Variants in URB2 observed in about 807,000 individuals in gnomAD.
The protein encoded by URB2 is URB2 ribosome biogenesis homolog, also known as unhealthy ribosome biogenesis protein 2 homolog.
URB2 carries 86 observed loss-of-function variants against 120.9 expected under a neutral mutation model. The observed-to-expected ratio is 0.71, with a 90% CI of 0.60 to 0.85. The LOEUF (loss-of-function observed/expected upper bound fraction) is 0.85. Ranked by LOEUF, URB2 falls within the 40% of genes least tolerant of loss-of-function variation. The pLI, the probability that URB2 is intolerant of heterozygous loss-of-function variation, is 0.00. For synonymous variants in URB2, 755 were observed against 758.4 expected (o/e 1.00, Z 0.07); for missense variants, 1,765 against 1,836.5 (o/e 0.96, Z 0.71).
chr1:229,630,023 T>G (rs1198218557), intron 2 of URB2, among the ~76,000 whole-genome samples: 1 of 152,244 alleles, frequency 6.6e-6, no homozygotes, highest in Non-Finnish European at 1.5e-5. Context: ...TCTAGTTCCC[T>G]GGCTATTTCC....
At position 229,643,547 on chromosome 1, in the gene URB2, G is replaced by A; in HGVS notation, c.3649G>A (p.Val1217Ile). 6.2e-7 allele frequency: 1 copy of A among 1,614,124 alleles called. No individual in the cohort carries two copies. The highest frequency in any genetic ancestry group is 8.5e-7 in the Non-Finnish European group (1 of 1,180,022). The change falls in exon 5 of 10, where the codon GTT becomes ATT. Residue 1217 changes from valine (V) to isoleucine (I), a missense_variant. Physicochemically the swap from Val to Ile is conservative, Grantham distance 29. Transcript: ENST00000258243. ...TTCCCACACAGATCCTGAAATTCCT[G>A]TTCAGGTCACTCAGGATATTGAGCC... ...RRVLADPEIPVQVTQDIEPHL... is the reference protein window; with the variant it reads ...RRVLADPEIPIQVTQDIEPHL...
chr1:229,647,792 G>T, intron 7 of URB2, 40 bp downstream of exon 7: 2 of 1,599,538 alleles, frequency 1.3e-6, no homozygotes. Context: ...CTTTTCCTCT[G>T]CGAGCAGGGT....
chr1:229,636,771 A>G lies in URB2; in HGVS notation c.2158A>G (p.Thr720Ala), dbSNP rs778029637. 3 of 1,612,168 alleles carry G rather than the reference A, an allele frequency of 1.9e-6. No homozygotes were observed. Among genetic ancestry groups the G allele is most frequent in the East Asian group, 2.2e-5 (1 of 44,848 alleles). The change falls in exon 4 of 10, where the codon ACG becomes GCG. Residue 720 changes from threonine (T) to alanine (A), a missense_variant. Coordinates refer to ENST00000258243, the MANE Select transcript of URB2 (RefSeq NM_014777.4). ...SGRKSLNQRTTASWDGQVGMV... is the reference protein window; with the variant it reads ...SGRKSLNQRTAASWDGQVGMV... ...CAGAAAAAGCTTGAATCAGAGAACG[A>G]CGGCTTCCTGGGATGGCCAAGTTGG...
intron 9 of URB2, 45 bp downstream of exon 9, chr1:229,654,433 T>A: frequency 6.2e-7 from 1 of 1,608,460 alleles, no homozygotes; most frequent in African/African-American, 1.3e-5. Flanking sequence ...GTGTTTATGG[T>A]CCTTAAGCAG....
At chr1:229,642,382 T>G (rs1666031752) in intron 4 of URB2, among the ~76,000 whole-genome samples, 1 of 152,086 alleles carries the variant, frequency 6.6e-6, no homozygotes. Flanking sequence ...GGGTCCAGGG[T>G]TTTACAGCTT....
At position 229,634,924 on chromosome 1, in the gene URB2, A is replaced by G. The variant is rs539877753; in HGVS notation, c.311A>G (p.Asn104Ser). The change falls in exon 4 of 10, where the codon AAT becomes AGT. Residue 104 changes from asparagine (N) to serine (S), a missense_variant. Coordinates refer to ENST00000258243, the MANE Select transcript of URB2 (RefSeq NM_014777.4). The stretch of plus-strand genomic sequence containing the variant: ...TTCTTTCTTAATGTTCAGATCATCA[A>G]TGAGAGAGTAGCTGAGTTCTCTCTT... ...NLQISLVKII[N>S]ERVAEFSLSG... The G allele has an allele frequency of 7.1e-4, 1,075 of 1,523,442 alleles. 16 individuals carry two copies. In the South Asian group the frequency reaches 0.013, roughly 18 times the overall value. 94.4% of individuals were successfully genotyped at this position (1,523,442 alleles called of 1,614,324 possible). A position where few individuals can be genotyped will look rare whatever the true frequency, so the allele number is the denominator to read the frequency against.
In URB2 at chr1:229,636,688, G is replaced by A. The variant is rs770055647; in HGVS notation, c.2075G>A (p.Arg692Gln). The A allele has an allele frequency of 6.8e-6, 11 of 1,614,014 alleles. No individual in the cohort carries two copies. Among genetic ancestry groups the A allele is most frequent in the African/African-American group, 1.3e-5 (1 of 74,914 alleles). Residue 692 changes from arginine (R) to glutamine (Q), a missense_variant, in exon 4 of 10, where the codon CGG (arginine) becomes CAG (glutamine). Physicochemically the swap from Arg to Gln is conservative, Grantham distance 43. Coordinates refer to ENST00000258243, the MANE Select transcript of URB2 (RefSeq NM_014777.4). ...AGGACTTTAATGCAAACTAGTTTCC[G>A]GTCTGAAGGAGCCATCCAAAGTTTG... Reference protein sequence around the residue: ...MKRTLMQTSFRSEGAIQSLRC... With the variant: ...MKRTLMQTSFQSEGAIQSLRC...
Position 229,637,512 on chromosome 1 carries a change from GGTA to G in URB2, c.2902_2904del (p.Ser968del), listed in dbSNP as rs1665876540. The G allele has an allele frequency of 6.2e-7, 1 of 1,614,206 alleles. No individual in the cohort carries two copies. On this transcript the variant is annotated inframe_deletion, in exon 4 of 10. Coordinates refer to ENST00000258243, the MANE Select transcript of URB2 (RefSeq NM_014777.4). ...TCGCTCTGTGTTCAAGATCATGTAT[GGTA>G]GTGATATTTTTGAGGTTGTACTGAC... is the stretch of plus-strand genomic sequence containing the variant.
rs1484764364 is a variant in URB2 at position 229,638,193 on chromosome 1, A to G, written c.3580A>G (p.Lys1194Glu). ...CTTTTTGGCCCCAGAACTGCATCCC[A>G]AAAAGGACTCCGTGTTTACCTCCAT... ...LFFLAPELHP[K>E]KDSVFTSMFH... is the part of the protein sequence containing the mutation. The change falls in exon 4 of 10, where the codon AAA (lysine) becomes GAA (glutamate). Residue 1194 changes from lysine (K) to glutamate (E), a missense_variant. By Grantham distance (56) the Lys-to-Glu change is moderately conservative. Transcript: ENST00000258243. 6.2e-7 allele frequency: 1 copy of G among 1,613,220 alleles called. No homozygotes were observed. Among genetic ancestry groups the G allele is most frequent in the South Asian group, 1.1e-5 (1 of 91,006 alleles).
At chr1:229,633,402 T>C (rs1665718497) in intron 3 of URB2, among the ~76,000 whole-genome samples, 2 of 152,358 alleles carry the variant, frequency 1.3e-5, no homozygotes, top group South Asian at 2.1e-4. Context: ...TATGTATGCT[T>C]CATAATTATA....
At chr1:229,641,258 C>T (rs563510922) in intron 4 of URB2, among the ~76,000 whole-genome samples, 1 of 152,110 alleles carries the variant, frequency 6.6e-6, no homozygotes, top group Non-Finnish European at 1.5e-5. Flanking sequence ...AGTGGTCTGC[C>T]TGCCTCAGCC....
chr1:229,656,590 C>A (rs1238133009), intron 9 of URB2, among the ~76,000 whole-genome samples: 2 of 152,190 alleles, frequency 1.3e-5, no homozygotes, highest in African/African-American at 2.4e-5. Context: ...TCTTTCTAGA[C>A]CAGCGTGTTT....
intron 4 of URB2, among the ~76,000 whole-genome samples, chr1:229,642,984 G>T (rs1040195668): frequency 6.6e-6 from 1 of 152,184 alleles, no homozygotes; most frequent in African/African-American, 2.4e-5. Flanking sequence ...ATGTATTTAT[G>T]TATTATATTC....
At chr1:229,649,439 A>G (rs1360124970) in intron 7 of URB2, among the ~76,000 whole-genome samples, 2 of 152,236 alleles carry the variant, frequency 1.3e-5, no homozygotes, top group African/African-American at 2.4e-5. Context: ...CATGAAGTTG[A>G]TGAAAGTAAT....
intron 3 of URB2, among the ~76,000 whole-genome samples, chr1:229,632,915 T>C (rs1665708756): frequency 6.6e-6 from 1 of 152,196 alleles, no homozygotes; most frequent in African/African-American, 2.4e-5. Flanking sequence ...TGAAAGTGAT[T>C]TTGAAGTCTC....
In URB2 at chr1:229,637,995, C is replaced by A; in HGVS notation, c.3382C>A (p.Leu1128Met). The change falls in exon 4 of 10, where the codon CTG (leucine) becomes ATG (methionine). Residue 1128 changes from leucine to methionine, a missense_variant. Transcript: ENST00000258243. ...SSVSTLLEAD[L>M]GQHCRDGGAD... ...CGTCAGCACGCTCTTGGAAGCCGAC[C>A]TGGGTCAGCACTGCAGGGATGGAGG... 6.2e-7 allele frequency: 1 copy of A among 1,613,524 alleles called. No homozygotes were observed. The highest frequency in any genetic ancestry group is 8.5e-7 in the Non-Finnish European group (1 of 1,179,706).
chr1:229,637,776 C>T lies in URB2; in HGVS notation c.3163C>T (p.Leu1055Phe). The T allele has an allele frequency of 6.2e-7, 1 of 1,614,078 alleles. No individual in the cohort carries two copies. Among genetic ancestry groups the T allele is most frequent in the Admixed American group, 1.7e-5 (1 of 60,018 alleles). The change falls in exon 4 of 10, where the codon CTC (leucine) becomes TTC (phenylalanine). Residue 1055 changes from leucine to phenylalanine, a missense_variant. By Grantham distance (22) the Leu-to-Phe change is conservative. Coordinates refer to ENST00000258243, the MANE Select transcript of URB2 (RefSeq NM_014777.4). ...LENQNPQGRQ[L>F]LLVSLTRLCH... ...AAATCAGAACCCCCAGGGCAGGCAGCTCCTTCTGGTGTCTTTAACCAGGTT... is the reference window on the plus strand; with the variant it reads ...AAATCAGAACCCCCAGGGCAGGCAGTTCCTTCTGGTGTCTTTAACCAGGTT...
Position 229,637,795 on chromosome 1 carries a change from C to A in URB2, c.3182C>A (p.Thr1061Asn). ...AGGCAGCTCCTTCTGGTGTCTTTAA[C>A]CAGGTTGTGCCATGTCCTGGGACCT... is the stretch of plus-strand genomic sequence containing the variant. ...QGRQLLLVSL[T>N]RLCHVLGPFL... The change falls in exon 4 of 10, where the codon ACC (threonine) becomes AAC (asparagine). Residue 1061 changes from threonine to asparagine, a missense_variant. Physicochemically the swap from Thr to Asn is moderately conservative, Grantham distance 65 (BLOSUM62 0). Coordinates refer to ENST00000258243, the MANE Select transcript of URB2 (RefSeq NM_014777.4). 1 of 1,613,824 alleles carries A rather than the reference C, an allele frequency of 6.2e-7. No individual in the cohort carries two copies. The highest frequency in any genetic ancestry group is 8.5e-7 in the Non-Finnish European group (1 of 1,179,956).
chr1:229,653,513 T>C (rs1666331215), intron 8 of URB2, among the ~76,000 whole-genome samples: 1 of 152,202 alleles, frequency 6.6e-6, no homozygotes, highest in East Asian at 1.9e-4. Context: ...TTGTGTTTTC[T>C]GGAGTTTTAT....
Sources: allele counts gnomAD v4.1 joint callset (sites outside exome capture counted in the v4.1 genomes callset), GRCh38; gene constraint gnomAD v4.1.1; transcripts MANE v1.5; gene names NCBI Gene and HGNC (gene_info 2026-07-23, HGNC 2026-07-21).